SGCZ: variants seen among roughly 807,000 people sequenced by gnomAD.
SGCZ encodes zeta-sarcoglycan.
In SGCZ, 40 loss-of-function variants were observed where a neutral mutation model predicts 41.3. The observed-to-expected ratio is 0.97, with a 90% CI of 0.75 to 1.26. The LOEUF is 1.26. Among genes scored for constraint, SGCZ ranks in the 50% most tolerant of loss-of-function variants. The pLI, the probability that SGCZ is intolerant of heterozygous loss-of-function variation, is 0.00. For missense variants in SGCZ, 552 were observed against 369.8 expected (o/e 1.49, Z -4.04); for synonymous variants, 206 against 137.5 (o/e 1.50, Z -3.49).
chr8:14,224,981 C>G (rs187305195), intron 4 of SGCZ, among the ~76,000 whole-genome samples: 1 of 152,080 alleles, frequency 6.6e-6, no homozygotes, highest in African/African-American at 2.4e-5. Context: ...AGCCAGTAAC[C>G]CTGTGAACTT....
chr8:14,718,856 T>A (rs1005957972), intron 1 of SGCZ, among the ~76,000 whole-genome samples: 22 of 137,956 alleles, frequency 1.6e-4, no homozygotes, highest in African/African-American at 5.0e-4. Context: ...TATATATATT[T>A]TTATTATTAT....
chr8:14,983,635 G>C (rs1009582651), intron 1 of SGCZ, among the ~76,000 whole-genome samples: 2 of 152,002 alleles, frequency 1.3e-5, no homozygotes. Flanking sequence ...GTGAGCCACC[G>C]TGCCCAGCCT....
At chr8:14,676,742 A>G (rs1010693637) in intron 1 of SGCZ, among the ~76,000 whole-genome samples, 2 of 152,226 alleles carry the variant, frequency 1.3e-5, no homozygotes, top group African/African-American at 2.4e-5. Context: ...AGATGCAGAA[A>G]AGAATCTGAT....
At chr8:14,799,326 A>G (rs1801239184) in intron 1 of SGCZ, among the ~76,000 whole-genome samples, 1 of 152,150 alleles carries the variant, frequency 6.6e-6, no homozygotes, top group South Asian at 2.1e-4. Flanking sequence ...AGTTGGATGC[A>G]TTTTGTAAAA....
At chr8:14,838,171 T>G (rs1439047766) in intron 1 of SGCZ, among the ~76,000 whole-genome samples, 7 of 151,894 alleles carry the variant, frequency 4.6e-5, no homozygotes, top group African/African-American at 1.7e-4. Context: ...GGAAGGGTAG[T>G]GGGAAGGGAG....
At chr8:14,727,027 C>A (rs907493300) in intron 1 of SGCZ, among the ~76,000 whole-genome samples, 4 of 151,836 alleles carry the variant, frequency 2.6e-5, no homozygotes, top group Non-Finnish European at 4.4e-5. Flanking sequence ...ATATTCAATC[C>A]ACAGTCTGCG....
intron 7 of SGCZ, among the ~76,000 whole-genome samples, chr8:14,100,558 T>TATCA (rs1554456234): frequency 2.1e-5 from 3 of 141,888 alleles, no homozygotes; most frequent in Non-Finnish European, 4.6e-5. Context: ...TAGATTAATA[T>TATCA]ATTATATATT....
chr8:14,225,462 A>G (rs776694251), intron 4 of SGCZ, among the ~76,000 whole-genome samples: 1 of 143,286 alleles, frequency 7.0e-6, no homozygotes, highest in Non-Finnish European at 1.6e-5. Flanking sequence ...ATGACCACTT[A>G]GTGTTTTTAA....
intron 1 of SGCZ, among the ~76,000 whole-genome samples, chr8:14,618,341 C>A (rs1295274782): frequency 1.3e-4 from 20 of 152,110 alleles, no homozygotes; most frequent in Admixed American, 8.5e-4. Context: ...TTACTCAAGG[C>A]AAGCCCTGTA....
Position 14,797,550 on chromosome 8 carries a change from A to T in SGCZ, c.40-242624T>A, listed in dbSNP as rs181704260. ...GCTAGCATAAAGGATGGGAAAATTTACAGCCTGACAAGGCAATAGCAAAGA... is the reference window on the plus strand; with the variant it reads ...GCTAGCATAAAGGATGGGAAAATTTTCAGCCTGACAAGGCAATAGCAAAGA... On this transcript the variant is annotated intron_variant, in intron 1 of 7. Coordinates refer to ENST00000382080, the MANE Select transcript of SGCZ (RefSeq NM_139167.4). Among the ~76,000 whole-genome samples the T allele has an allele frequency of 2.6e-5, 4 of 152,332 alleles. No individual in the cohort carries two copies. In the East Asian group the frequency reaches 7.7e-4, roughly 29 times the overall value.
intron 1 of SGCZ, among the ~76,000 whole-genome samples, chr8:14,932,732 A>C (rs1424371028): frequency 6.6e-6 from 1 of 152,080 alleles, no homozygotes; most frequent in Non-Finnish European, 1.5e-5. Flanking sequence ...TTTTTAAAAA[A>C]TTAATAGTCT....
At chr8:14,840,410 C>T (rs912896023) in intron 1 of SGCZ, among the ~76,000 whole-genome samples, 1 of 152,200 alleles carries the variant, frequency 6.6e-6, no homozygotes, top group South Asian at 2.1e-4. Context: ...GAATTAATCA[C>T]GTTTCAGTTG....
intron 1 of SGCZ, among the ~76,000 whole-genome samples, chr8:15,071,967 T>C (rs1454856268): frequency 6.6e-6 from 1 of 152,102 alleles, no homozygotes; most frequent in Non-Finnish European, 1.5e-5. Context: ...TGGGACAGCC[T>C]CATGACTGGG....
chr8:14,681,986 T>C (rs1211696836), intron 1 of SGCZ, among the ~76,000 whole-genome samples: 1 of 152,080 alleles, frequency 6.6e-6, no homozygotes, highest in Non-Finnish European at 1.5e-5. Context: ...TTAATATTCA[T>C]AGTAACAGAG....
At chr8:14,668,289 A>T (rs7830848) in intron 1 of SGCZ, among the ~76,000 whole-genome samples, 88,983 of 152,064 alleles carry the variant, frequency 0.59, 28,548 homozygotes, top group African/African-American at 0.84. Context: ...ATTCAGTCCA[A>T]GCTCATAGGC....
At chr8:15,032,120 C>A (rs76749663) in intron 1 of SGCZ, among the ~76,000 whole-genome samples, 1 of 151,996 alleles carries the variant, frequency 6.6e-6, no homozygotes, top group East Asian at 1.9e-4. Flanking sequence ...TATACAATAG[C>A]ATATATTTGG....
chr8:14,673,801 T>C (rs919752897), intron 1 of SGCZ, among the ~76,000 whole-genome samples: 2 of 152,168 alleles, frequency 1.3e-5, no homozygotes, highest in Admixed American at 1.3e-4. Context: ...CCGATGTAGA[T>C]GCTACTCAAT....
In SGCZ at chr8:14,087,570, G is replaced by C. The variant is rs1801557860; in HGVS notation, c.*2873C>G. ...CGCATCCATGTAGTACACTATAAAG[G>C]ACTCATTTTTCTCAGTGTCATTTGG... On this transcript the variant is annotated 3_prime_UTR_variant, in exon 8 of 8. Transcript: ENST00000382080. Among the ~76,000 whole-genome samples the C allele has an allele frequency of 6.6e-6, 1 of 151,402 alleles. No homozygotes were observed. The highest frequency in any genetic ancestry group is 1.5e-5 in the Non-Finnish European group (1 of 67,700).
At chr8:14,596,117 G>A (rs1199215191) in intron 1 of SGCZ, among the ~76,000 whole-genome samples, 2 of 152,170 alleles carry the variant, frequency 1.3e-5, no homozygotes, top group Admixed American at 6.5e-5. Flanking sequence ...ATCTCACTTA[G>A]TATCTGTCAC....
Sources: allele counts gnomAD v4.1 joint callset (sites outside exome capture counted in the v4.1 genomes callset), GRCh38; gene constraint gnomAD v4.1.1; transcripts MANE v1.5; gene names NCBI Gene and HGNC (gene_info 2026-07-23, HGNC 2026-07-21).